Variants in SHROOM2 observed in about 807,000 individuals in gnomAD.
SHROOM2 encodes the protein protein Shroom2.
Under a neutral mutation model 75.9 loss-of-function variants are expected in SHROOM2, and 33 were observed. The observed-to-expected ratio is 0.43, with a 90% CI of 0.33 to 0.58. SHROOM2 has a LOEUF of 0.58. SHROOM2 is among the 20% of genes least tolerant of loss of function. The pLI, the probability that SHROOM2 is intolerant of heterozygous loss-of-function variation, is 0.04. For synonymous variants in SHROOM2, 655 were observed against 663.6 expected, an observed-to-expected ratio of 0.99 and a Z score of 0.20; for missense variants, 1,434 against 1,461.2, an observed-to-expected ratio of 0.98 and a Z score of 0.30.
intron 1 of SHROOM2, among the ~76,000 whole-genome samples, chrX:9,820,885 CTGTATAGCATGA>C (rs1218786608): frequency 1.8e-5 from 2 of 112,450 alleles, no homozygotes; most frequent in African/African-American, 6.5e-5. Flanking sequence ...CTCCTCTGTG[CTGTATAGCATGA>C]ACGCTGCTGT....
chrX:9,822,985 A>ATTCTTCTTCTTCTTCTTCTTCTTC (rs1193729528), intron 1 of SHROOM2, among the ~76,000 whole-genome samples: 1 of 88,284 alleles, frequency 1.1e-5, no homozygotes, highest in African/African-American at 4.7e-5. Flanking sequence ...AAGAATAATA[A>ATTCTTCTTCTTCTTCTTCTTCTTC]TTCTTCTTCT....
intron 2 of SHROOM2, among the ~76,000 whole-genome samples, chrX:9,890,635 C>T (rs1023262530): frequency 1.8e-5 from 2 of 110,637 alleles, no homozygotes; most frequent in Non-Finnish European, 3.8e-5. Context: ...GCGCTGCTTG[C>T]GGTCCCCAAG....
At chrX:9,891,129 A>G (rs761354354) in intron 3 of SHROOM2, 21 bp downstream of exon 3, 196 of 1,194,236 alleles carry the variant, frequency 1.6e-4, no homozygotes, top group Non-Finnish European at 1.8e-4. Flanking sequence ...ATTCCCGTCC[A>G]GGATGCCAGG....
At chrX:9,814,734 A>G (rs186123909) in intron 1 of SHROOM2, among the ~76,000 whole-genome samples, 8 of 111,507 alleles carry the variant, frequency 7.2e-5, no homozygotes, top group Non-Finnish European at 1.5e-4. Flanking sequence ...CTGGCAAAAA[A>G]GGTTCATCGG....
intron 1 of SHROOM2, among the ~76,000 whole-genome samples, chrX:9,800,672 T>C (rs757182307): frequency 2.7e-5 from 3 of 109,616 alleles, no homozygotes; most frequent in Non-Finnish European, 5.7e-5. Context: ...GATGGGGTTC[T>C]CATCTCTGTC....
At chrX:9,836,513 A>T (rs770272689) in intron 1 of SHROOM2, among the ~76,000 whole-genome samples, 3 of 62,084 alleles carry the variant, frequency 4.8e-5, no homozygotes, top group African/African-American at 1.3e-4. Context: ...CTCCCTCTCT[A>T]CCCCCTCCTT....
At chrX:9,928,621 A>G (rs1267507362) in intron 5 of SHROOM2, among the ~76,000 whole-genome samples, 2 of 111,691 alleles carry the variant, frequency 1.8e-5, no homozygotes, top group African/African-American at 3.3e-5. Context: ...CACACTCACA[A>G]CATGCATCTC....
chrX:9,814,036 C>CA (rs1160845642), intron 1 of SHROOM2, among the ~76,000 whole-genome samples: 4 of 111,961 alleles, frequency 3.6e-5, no homozygotes, highest in African/African-American at 1.3e-4. Flanking sequence ...GTGCTGCCCT[C>CA]ACGAATCTAT....
At chrX:9,792,421 C>G (rs2083671027) in intron 1 of SHROOM2, among the ~76,000 whole-genome samples, 1 of 107,308 alleles carries the variant, frequency 9.3e-6, no homozygotes, top group African/African-American at 3.4e-5. Context: ...CATTTTTTTC[C>G]CCAGATAAGG....
chrX:9,870,337 T>C (rs2084164758), intron 1 of SHROOM2, among the ~76,000 whole-genome samples: 1 of 112,307 alleles, frequency 8.9e-6, no homozygotes, highest in East Asian at 2.8e-4. Context: ...TCTGTTACTT[T>C]AGTCAATATT....
intron 1 of SHROOM2, among the ~76,000 whole-genome samples, chrX:9,805,481 G>A (rs2083746369): frequency 8.9e-6 from 1 of 112,305 alleles, no homozygotes; most frequent in Non-Finnish European, 1.9e-5. Flanking sequence ...GCTCACGCCT[G>A]TAATCCCACT....
intron 5 of SHROOM2, among the ~76,000 whole-genome samples, chrX:9,928,330 A>C (rs1434156453): frequency 2.7e-5 from 3 of 112,448 alleles, no homozygotes; most frequent in Admixed American, 9.4e-5. Flanking sequence ...CCAAGGCTGA[A>C]TATCAATTGG....
chrX:9,879,363 C>T (rs753316953), intron 2 of SHROOM2, among the ~76,000 whole-genome samples: 2 of 112,039 alleles, frequency 1.8e-5, no homozygotes, highest in South Asian at 7.5e-4. Context: ...CGGGTTCAAG[C>T]GATTCTCGTG....
intron 3 of SHROOM2, among the ~76,000 whole-genome samples, chrX:9,893,115 A>C (rs2084303508): frequency 9.3e-6 from 1 of 107,305 alleles, no homozygotes; most frequent in East Asian, 3.1e-4. Context: ...TATTATTATT[A>C]TCTTTGAAAC....
chrX:9,889,277 G>T (rs1392721802), intron 2 of SHROOM2, among the ~76,000 whole-genome samples: 1 of 112,376 alleles, frequency 8.9e-6, no homozygotes, highest in Admixed American at 9.4e-5. Flanking sequence ...TCATCGAAAG[G>T]TTTGTGTTAT....
At position 9,932,454 on chromosome X, in the gene SHROOM2, C is replaced by T. The variant is rs1367712187; in HGVS notation, c.3171C>T (p.Ser1057=). Residue 1057 remains serine, a synonymous_variant, in exon 6 of 10, where the codon TCC becomes TCT. Transcript: ENST00000380913. ...DSWPVSSALL[S]KRPAPQRPPP... Reference sequence around the variant, plus strand: ...GGCCAGTGAGCTCAGCCCTGCTCTCCAAGAGGCCAGCCCCACAGAGGCCAC... The same window carrying T: ...GGCCAGTGAGCTCAGCCCTGCTCTCTAAGAGGCCAGCCCCACAGAGGCCAC... The T allele has an allele frequency of 5.8e-6, 7 of 1,205,935 alleles. No individual in the cohort carries two copies. The highest frequency in any genetic ancestry group is 7.8e-6 in the Non-Finnish European group (7 of 892,550).
intron 6 of SHROOM2, among the ~76,000 whole-genome samples, chrX:9,935,858 C>G (rs900598290): frequency 9.0e-6 from 1 of 111,400 alleles, no homozygotes; most frequent in East Asian, 2.8e-4. Flanking sequence ...TGGAGTTTGG[C>G]CTGTTTCTTT....
chrX:9,848,275 C>T (rs962321451), intron 1 of SHROOM2, among the ~76,000 whole-genome samples: 1 of 107,547 alleles, frequency 9.3e-6, no homozygotes, highest in African/African-American at 3.4e-5. Flanking sequence ...GAGGCCGAGG[C>T]GGGTGGATCA....
At chrX:9,933,025 G>C (rs2084666857) in intron 6 of SHROOM2, among the ~76,000 whole-genome samples, 155 bp downstream of exon 6, 1 of 111,557 alleles carries the variant, frequency 9.0e-6, no homozygotes. Context: ...TGGACAGAAA[G>C]TGAAGCTTCA....
Sources: gnomAD v4.1 joint callset for allele counts (sites outside exome capture counted in the v4.1 genomes callset) on GRCh38, gnomAD v4.1.1 for gene constraint, MANE v1.5 for transcripts, NCBI Gene and HGNC (gene_info 2026-07-23, HGNC 2026-07-21) for gene names.